Variants in RCAN2 observed in about 807,000 individuals in gnomAD.
RCAN2 encodes the protein calcipressin-2.
In RCAN2, 9 loss-of-function variants were observed where a neutral mutation model predicts 23.6. That is an observed-to-expected ratio of 0.38 (90% CI 0.23 to 0.67). The LOEUF is 0.67. RCAN2 is among the 30% of genes least tolerant of loss of function. The probability of loss-of-function intolerance (pLI) is 0.51; values close to 1 mark genes in which losing one functional copy is unlikely to be tolerated. For synonymous variants in RCAN2, 109 were observed against 115.7 expected, an observed-to-expected ratio of 0.94 and a Z score of 0.37; for missense variants, 273 against 302.3, an observed-to-expected ratio of 0.90 and a Z score of 0.72.
chr6:46,285,251 G>A (rs968552313), intron 2 of RCAN2, among the ~76,000 whole-genome samples: 3 of 152,176 alleles, frequency 2.0e-5, no homozygotes, highest in Non-Finnish European at 4.4e-5. Flanking sequence ...TTAATCAAAT[G>A]GATGTTTAAA....
At chr6:46,432,737 T>C (rs1767251709) in intron 2 of RCAN2, among the ~76,000 whole-genome samples, 1 of 152,140 alleles carries the variant, frequency 6.6e-6, no homozygotes, top group African/African-American at 2.4e-5. Flanking sequence ...TTTGTGATGA[T>C]AAGCAACTTA....
intron 2 of RCAN2, among the ~76,000 whole-genome samples, chr6:46,435,452 A>T (rs1767337176): frequency 6.6e-6 from 1 of 152,222 alleles, no homozygotes. Flanking sequence ...AATATATTTT[A>T]AAAACCATAT....
At chr6:46,240,453 C>A (rs1007210923) in intron 4 of RCAN2, among the ~76,000 whole-genome samples, 9 of 152,176 alleles carry the variant, frequency 5.9e-5, no homozygotes, top group South Asian at 4.2e-4. Flanking sequence ...TCTGAAAAAA[C>A]CTTTTTTTTC....
intron 2 of RCAN2, among the ~76,000 whole-genome samples, chr6:46,401,588 C>T (rs1766249791): frequency 6.6e-6 from 1 of 152,056 alleles, no homozygotes; most frequent in Admixed American, 6.6e-5. Flanking sequence ...CCATGCTGCC[C>T]CTCAATTTCA....
At chr6:46,368,424 T>C (rs1266221051) in intron 2 of RCAN2, among the ~76,000 whole-genome samples, 1 of 152,184 alleles carries the variant, frequency 6.6e-6, no homozygotes, top group African/African-American at 2.4e-5. Flanking sequence ...CCCACCAGCA[T>C]TAAGCATACA....
intron 2 of RCAN2, among the ~76,000 whole-genome samples, chr6:46,446,247 C>A (rs1767702186): frequency 7.1e-6 from 1 of 140,664 alleles, no homozygotes; most frequent in Non-Finnish European, 1.5e-5. Context: ...CCTTACAGGG[C>A]AGAAGAGAGT....
intron 1 of RCAN2, 30 bp downstream of exon 1, chr6:46,491,143 G>A (rs1371696886): frequency 6.6e-6 from 1 of 151,404 alleles, no homozygotes; most frequent in African/African-American, 2.4e-5. Context: ...GTGCCTGGGC[G>A]AGCCTGGCCG....
At chr6:46,255,565 C>T (rs1449471325) in intron 2 of RCAN2, among the ~76,000 whole-genome samples, 3 of 152,038 alleles carry the variant, frequency 2.0e-5, no homozygotes, top group Non-Finnish European at 4.4e-5. Flanking sequence ...TTAGGGTCAA[C>T]ATGAGGCACA....
rs1332810636 is a variant in RCAN2 at position 46,338,725 on chromosome 6, C to T, written c.226-89829G>A. 1.3e-5 allele frequency among the ~76,000 whole-genome samples: 2 copies of T among 152,026 alleles called. 1 individual carries two copies. On this transcript the variant is annotated intron_variant, in intron 2 of 4. Transcript: ENST00000371374. ...AAATACCTTCACTGCTTTTCCATTGCTGTTAGGCCAGACATGGTGGCTCAC... is the reference window on the plus strand; with the variant it reads ...AAATACCTTCACTGCTTTTCCATTGTTGTTAGGCCAGACATGGTGGCTCAC...
chr6:46,325,460 T>C (rs781050163), intron 2 of RCAN2: 2 of 1,614,006 alleles, frequency 1.2e-6, no homozygotes, highest in African/African-American at 1.3e-5. Context: ...AACATCACAG[T>C]CCATGCTAGG....
At chr6:46,469,116 C>T (rs1273118878) in intron 1 of RCAN2, among the ~76,000 whole-genome samples, 1 of 152,140 alleles carries the variant, frequency 6.6e-6, no homozygotes, top group African/African-American at 2.4e-5. Flanking sequence ...TCTGCATTGC[C>T]ACCTCCCATC....
chr6:46,449,017 T>G (rs1357787324), intron 2 of RCAN2, among the ~76,000 whole-genome samples: 1 of 151,816 alleles, frequency 6.6e-6, no homozygotes, highest in Non-Finnish European at 1.5e-5. Context: ...GAATCCAAAC[T>G]GGAAAGGAAG....
rs532531883 is a variant in RCAN2, at chr6:46,272,645, CTG to C, written c.226-23751_226-23750del. Among the ~76,000 whole-genome samples, 135 of 152,250 alleles carry C rather than the reference CTG, an allele frequency of 8.9e-4. 2 individuals carry two copies. Among genetic ancestry groups the C allele is most frequent in the Admixed American group, 7.7e-3 (117 of 15,294 alleles). On this transcript the variant is annotated intron_variant, in intron 2 of 4. Coordinates refer to ENST00000371374, the MANE Select transcript of RCAN2 (RefSeq NM_001251974.2). Reference sequence around the variant, plus strand: ...GTTAAAATGCTTTTCTGTTATAAAACTGTGTTAACATTCTTTGTCTTTTTGGT... The same window carrying C: ...GTTAAAATGCTTTTCTGTTATAAAACTGTTAACATTCTTTGTCTTTTTGGT...
chr6:46,339,392 A>G (rs527777343), intron 2 of RCAN2, among the ~76,000 whole-genome samples: 7 of 152,088 alleles, frequency 4.6e-5, no homozygotes, highest in African/African-American at 1.4e-4. Context: ...TTGAGAGGTA[A>G]GTGGTTTTTT....
At chr6:46,233,313 G>A (rs1249526410) in intron 4 of RCAN2, among the ~76,000 whole-genome samples, 1 of 152,206 alleles carries the variant, frequency 6.6e-6, no homozygotes, top group Admixed American at 6.5e-5. Flanking sequence ...GAGAGACAGA[G>A]AAAGAAATGT....
At chr6:46,465,554 C>T (rs1057291854) in intron 1 of RCAN2, among the ~76,000 whole-genome samples, 39 of 152,280 alleles carry the variant, frequency 2.6e-4, no homozygotes, top group Non-Finnish European at 3.8e-4. Flanking sequence ...AGAGAACAGA[C>T]GGCTGTGTGG....
chr6:46,380,199 A>C (rs1765582127), intron 2 of RCAN2, among the ~76,000 whole-genome samples: 1 of 152,198 alleles, frequency 6.6e-6, no homozygotes, highest in Non-Finnish European at 1.5e-5. Context: ...CACCCCCCTC[A>C]GAAAGGTCTG....
intron 1 of RCAN2, among the ~76,000 whole-genome samples, chr6:46,484,760 C>T (rs969388861): frequency 6.6e-6 from 1 of 152,224 alleles, no homozygotes; most frequent in African/African-American, 2.4e-5. Flanking sequence ...AACTTTCCTA[C>T]AAACACTCAT....
intron 2 of RCAN2, among the ~76,000 whole-genome samples, chr6:46,365,511 A>G (rs998331991): frequency 6.6e-6 from 1 of 152,102 alleles, no homozygotes; most frequent in Non-Finnish European, 1.5e-5. Flanking sequence ...AAGAAAAAGA[A>G]AAAGAAAAAA....
Sources: allele counts gnomAD v4.1 joint callset (sites outside exome capture counted in the v4.1 genomes callset), GRCh38; gene constraint gnomAD v4.1.1; transcripts MANE v1.5; gene names NCBI Gene and HGNC (gene_info 2026-07-23, HGNC 2026-07-21).